The following IQGAP2 variants were observed in gnomAD, a reference collection of about 807,000 sequenced individuals.
The protein encoded by IQGAP2 is IQ motif containing GTPase activating protein 2.
A neutral mutation model predicts 201.3 loss-of-function variants in IQGAP2; 173 were observed. That is an observed-to-expected ratio of 0.86 (90% CI 0.76 to 0.98). The LOEUF (loss-of-function observed/expected upper bound fraction) is 0.98. IQGAP2 is among the 50% of genes least tolerant of loss of function. IQGAP2 has a pLI of 0.00. For missense variants in IQGAP2, 1,687 were observed against 1,864.8 expected, an observed-to-expected ratio of 0.90 and a Z score of 1.76; for synonymous variants, 675 against 673.9, an observed-to-expected ratio of 1.00 and a Z score of -0.03.
chr5:76,526,071 A>G (rs767967527), intron 2 of IQGAP2, among the ~76,000 whole-genome samples: 1 of 152,192 alleles, frequency 6.6e-6, no homozygotes, highest in Non-Finnish European at 1.5e-5. Flanking sequence ...TCAGATTAAG[A>G]TCCCCTGGGT....
intron 18 of IQGAP2, 33 bp from the exon 19 acceptor site, chr5:76,654,167 T>C (rs1752726621): frequency 6.9e-7 from 1 of 1,458,640 alleles, no homozygotes; most frequent in Non-Finnish European, 9.5e-7. Flanking sequence ...CTTTATTTTT[T>C]GTTGTACTTT....
intron 31 of IQGAP2, among the ~76,000 whole-genome samples, chr5:76,694,372 G>A (rs146437808): frequency 1.3e-5 from 2 of 152,174 alleles, no homozygotes; most frequent in African/African-American, 4.8e-5. Flanking sequence ...TATTATACTA[G>A]GTTAGTATAA....
Position 76,650,592 on chromosome 5 carries a change from T to G in IQGAP2, c.2095-2158T>G, listed in dbSNP as rs547348216. ...TCCTGTTCTCCAAAATACAGAGCAT[T>G]GCCATAGTCAGTATATATGACCTTA... On this transcript the variant is annotated intron_variant, in intron 17 of 35. Transcript: ENST00000274364. Among the ~76,000 whole-genome samples, 127 of 152,366 alleles carry G rather than the reference T, an allele frequency of 8.3e-4. 1 individual carries two copies. Among genetic ancestry groups the G allele is most frequent in the African/African-American group, 3.0e-3 (123 of 41,580 alleles).
intron 35 of IQGAP2, among the ~76,000 whole-genome samples, chr5:76,703,195 G>T (rs575964673): frequency 1.3e-5 from 2 of 151,894 alleles, no homozygotes; most frequent in Non-Finnish European, 2.9e-5. Context: ...TTGCTCTGTC[G>T]CCCAGGCTGG....
At chr5:76,696,414 TC>T (rs1395181341) in intron 32 of IQGAP2, among the ~76,000 whole-genome samples, 1 of 152,190 alleles carries the variant, frequency 6.6e-6, no homozygotes, top group Non-Finnish European at 1.5e-5. Flanking sequence ...TTGAGAAACT[TC>T]CTGAGCAAAG....
At chr5:76,680,060 G>T (rs1161780874) in intron 28 of IQGAP2, among the ~76,000 whole-genome samples, 1 of 152,210 alleles carries the variant, frequency 6.6e-6, no homozygotes, top group African/African-American at 2.4e-5. Flanking sequence ...GCATCAAACA[G>T]ATACTCTCTC....
intron 2 of IQGAP2, among the ~76,000 whole-genome samples, chr5:76,500,315 C>T (rs1013405687): frequency 1.3e-5 from 2 of 152,080 alleles, no homozygotes; most frequent in Admixed American, 6.6e-5. Context: ...ACCTAAGAAA[C>T]GGAGATGTTC....
chr5:76,699,801 TTCTCTCTCTC>T (rs1197754030), intron 33 of IQGAP2, among the ~76,000 whole-genome samples: 1 of 1,348 alleles, frequency 7.4e-4, no homozygotes, highest in African/African-American at 3.2e-3. Flanking sequence ...TTCTTTCTGT[TTCTCTCTCTC>T]TCTCTCTCTC....
intron 2 of IQGAP2, among the ~76,000 whole-genome samples, chr5:76,533,105 T>C (rs189455054): frequency 4.3e-4 from 66 of 152,280 alleles, no homozygotes; most frequent in African/African-American, 1.4e-3. Context: ...CTCTTGACCC[T>C]CCCTGTGGGA....
chr5:76,471,726 C>T (rs1201256103), intron 2 of IQGAP2, among the ~76,000 whole-genome samples: 1 of 151,880 alleles, frequency 6.6e-6, no homozygotes, highest in African/African-American at 2.4e-5. Context: ...AAAAGAGAAT[C>T]TTCTGACTGG....
At chr5:76,573,636 G>A (rs1393484164) in intron 4 of IQGAP2, among the ~76,000 whole-genome samples, 1 of 152,176 alleles carries the variant, frequency 6.6e-6, no homozygotes, top group Admixed American at 6.5e-5. Flanking sequence ...TTTTGAGACG[G>A]AGTCTCGCTC....
intron 2 of IQGAP2, among the ~76,000 whole-genome samples, chr5:76,467,684 T>G (rs1754855001): frequency 1.3e-5 from 2 of 152,296 alleles, no homozygotes; most frequent in South Asian, 4.1e-4. Context: ...AAACTTGTAC[T>G]CGAATGTTCA....
At chr5:76,638,906 C>T (rs1751352733) in intron 16 of IQGAP2, among the ~76,000 whole-genome samples, 1 of 152,124 alleles carries the variant, frequency 6.6e-6, no homozygotes. Context: ...GGTGGGCAGC[C>T]ATGAAGAAAC....
intron 2 of IQGAP2, among the ~76,000 whole-genome samples, chr5:76,519,948 A>G (rs1260918989): frequency 6.6e-6 from 1 of 152,196 alleles, no homozygotes; most frequent in Non-Finnish European, 1.5e-5. Context: ...TTTGTTGGAT[A>G]TATAAAAAGC....
At chr5:76,692,566 A>G (rs1328234742) in intron 30 of IQGAP2, among the ~76,000 whole-genome samples, 1 of 152,224 alleles carries the variant, frequency 6.6e-6, no homozygotes, top group Non-Finnish European at 1.5e-5. Flanking sequence ...ACGTAATTAC[A>G]TAACATGATG....
At chr5:76,622,285 A>C (rs746301688) in intron 13 of IQGAP2, among the ~76,000 whole-genome samples, 57 of 152,334 alleles carry the variant, frequency 3.7e-4, no homozygotes, top group Non-Finnish European at 6.5e-4. Flanking sequence ...TCCCAGAAAG[A>C]GCGTGCACTT....
intron 15 of IQGAP2, among the ~76,000 whole-genome samples, chr5:76,635,739 G>A (rs1474473368): frequency 6.6e-6 from 1 of 151,834 alleles, no homozygotes; most frequent in Non-Finnish European, 1.5e-5. Flanking sequence ...TACTCTGGAG[G>A]CTCATCTGAG....
intron 9 of IQGAP2, chr5:76,597,237 T>C (rs560606146): frequency 1.7e-6 from 1 of 585,888 alleles, no homozygotes. Flanking sequence ...CTAAGGTTCT[T>C]GTAGGCACTA....
At chr5:76,496,885 A>C (rs1757023433) in intron 2 of IQGAP2, among the ~76,000 whole-genome samples, 3 of 150,402 alleles carry the variant, frequency 2.0e-5, no homozygotes, top group African/African-American at 7.4e-5. Flanking sequence ...GCTGCAGTGC[A>C]GTGGCACGAT....
Sources: allele counts gnomAD v4.1 joint callset (sites outside exome capture counted in the v4.1 genomes callset), GRCh38; gene constraint gnomAD v4.1.1; transcripts MANE v1.5; gene names NCBI Gene and HGNC (gene_info 2026-07-23, HGNC 2026-07-21).